MCF2L2: variants seen among roughly 807,000 people sequenced by gnomAD.
MCF2L2 encodes MCF.2 cell line derived transforming sequence-like 2, also known as probable guanine nucleotide exchange factor MCF2L2.
In MCF2L2, 102 loss-of-function variants were observed where a neutral mutation model predicts 150.2. The observed-to-expected ratio is 0.68, with a 90% CI of 0.58 to 0.80. The LOEUF (loss-of-function observed/expected upper bound fraction) is 0.80. Ranked by LOEUF, MCF2L2 falls within the 30% of genes least tolerant of loss-of-function variation. MCF2L2 has a pLI of 0.00. For missense variants in MCF2L2, 1,256 were observed against 1,372.8 expected (o/e 0.91, Z 1.34); for synonymous variants, 465 against 491.3 (o/e 0.95, Z 0.71).
intron 1 of MCF2L2, among the ~76,000 whole-genome samples, chr3:183,414,408 T>G (rs540817727): frequency 6.6e-6 from 1 of 152,326 alleles, no homozygotes; most frequent in East Asian, 1.9e-4. Context: ...TTTGCTTATG[T>G]AAGGATGGTA....
chr3:183,232,207 C>G (rs533523043), intron 15 of MCF2L2, among the ~76,000 whole-genome samples: 16 of 152,242 alleles, frequency 1.1e-4, no homozygotes, highest in Non-Finnish European at 2.9e-5. Context: ...GAGAGTGGCT[C>G]CCAGCTGACA....
At chr3:183,363,921 C>T (rs1163453360) in intron 3 of MCF2L2, among the ~76,000 whole-genome samples, 1 of 152,140 alleles carries the variant, frequency 6.6e-6, no homozygotes, top group African/African-American at 2.4e-5. Flanking sequence ...ACACATGGAA[C>T]ATCCACAGAA....
chr3:183,187,916 C>G (rs924973266), intron 27 of MCF2L2, among the ~76,000 whole-genome samples: 3 of 152,204 alleles, frequency 2.0e-5, no homozygotes, highest in African/African-American at 7.2e-5. Flanking sequence ...AATCCTTTCC[C>G]TTTCTCCTCA....
chr3:183,190,729 T>A (rs147033740), intron 27 of MCF2L2, among the ~76,000 whole-genome samples: 265 of 152,326 alleles, frequency 1.7e-3, no homozygotes, highest in African/African-American at 6.2e-3. Context: ...TGAGGGCAAC[T>A]GCCTGAAGGG....
chr3:183,206,708 C>A (rs972274143), intron 23 of MCF2L2, among the ~76,000 whole-genome samples: 1 of 152,010 alleles, frequency 6.6e-6, no homozygotes, highest in African/African-American at 2.4e-5. Flanking sequence ...CCTGTCTCTA[C>A]TAAAAATACA....
intron 25 of MCF2L2, among the ~76,000 whole-genome samples, chr3:183,201,719 A>G (rs891883041): frequency 6.6e-6 from 1 of 152,130 alleles, no homozygotes; most frequent in Non-Finnish European, 1.5e-5. Flanking sequence ...CAAAGGGAAT[A>G]CTTCCAGTTT....
intron 10 of MCF2L2, among the ~76,000 whole-genome samples, chr3:183,306,836 C>T (rs1729123066): frequency 6.6e-6 from 1 of 152,180 alleles, no homozygotes; most frequent in Non-Finnish European, 1.5e-5. Flanking sequence ...ACACAGCACC[C>T]TTATGGGGAG....
At chr3:183,368,414 C>T (rs778525523) in intron 3 of MCF2L2, among the ~76,000 whole-genome samples, 3 of 152,160 alleles carry the variant, frequency 2.0e-5, no homozygotes, top group Non-Finnish European at 2.9e-5. Flanking sequence ...TCTATGGTTG[C>T]TTTTGAGCTA....
At chr3:183,400,620 C>G (rs1020886949) in intron 1 of MCF2L2, 30 of 357,012 alleles carry the variant, frequency 8.4e-5, no homozygotes, top group Non-Finnish European at 1.4e-4. Context: ...ATTTCGTGGC[C>G]GAGAGTTGAT....
intron 7 of MCF2L2, 86 bp from the exon 8 acceptor site, chr3:183,311,858 T>C (rs1729393447): frequency 8.2e-7 from 1 of 1,223,172 alleles, no homozygotes; most frequent in South Asian, 1.5e-5. Flanking sequence ...AGTAGATCAG[T>C]ACATTTTTCA....
At chr3:183,272,692 T>C (rs1377876726) in intron 15 of MCF2L2, 3 of 1,010,096 alleles carry the variant, frequency 3.0e-6, no homozygotes, top group East Asian at 2.1e-4. Context: ...TAAAAAAACA[T>C]AGAGAACAAA....
At chr3:183,420,785 A>G (rs1010826524) in intron 1 of MCF2L2, among the ~76,000 whole-genome samples, 3 of 152,162 alleles carry the variant, frequency 2.0e-5, no homozygotes, top group Non-Finnish European at 2.9e-5. Context: ...GGAATCTGCC[A>G]CTTTTAAAAC....
chr3:183,206,102 G>A lies in MCF2L2; in HGVS notation c.2805+20C>T. On this transcript the variant is annotated intron_variant, in intron 24 of 29. Transcript: ENST00000328913. ...TAAGGAAAGAGTAGAGGAGACCCATGGGGAAGGCATGAGCGTTACCTGCAG... is the reference window on the plus strand; with the variant it reads ...TAAGGAAAGAGTAGAGGAGACCCATAGGGAAGGCATGAGCGTTACCTGCAG... 8 of 1,609,222 alleles carry A rather than the reference G, an allele frequency of 5.0e-6. No individual in the cohort carries two copies. The highest frequency in any genetic ancestry group is 6.8e-6 in the Non-Finnish European group (8 of 1,175,584).
In MCF2L2 at chr3:183,228,367, C is replaced by G. The variant is rs777460357; in HGVS notation, c.2046-1G>C. The stretch of plus-strand genomic sequence containing the variant: ...CTTTTCCAACTCTTTTAGAAAAGTC[C>G]TAGAAAAATAAAAGTATACAAGTAA... On this transcript the variant is annotated splice_acceptor_variant, in intron 17 of 29. Transcript: ENST00000328913. LOFTEE classifies it high-confidence loss of function. The G allele has an allele frequency of 6.2e-7, 1 of 1,604,728 alleles. No homozygotes were observed. The highest frequency in any genetic ancestry group is 8.5e-7 in the Non-Finnish European group (1 of 1,172,604).
At chr3:183,327,040 A>G (rs950922420) in intron 5 of MCF2L2, among the ~76,000 whole-genome samples, 1 of 152,106 alleles carries the variant, frequency 6.6e-6, no homozygotes, top group African/African-American at 2.4e-5. Context: ...AAAAATAAAT[A>G]AATAGGCCGG....
At position 183,178,868 on chromosome 3, in the gene MCF2L2, G is replaced by C. The variant is rs1017654834; in HGVS notation, c.*512C>G. ...AGCTCCCAGTCTGCGGCCCCCGCCG[G>C]GTTGGAGCGGCTCCGGCTCCTCCAA... On this transcript the variant is annotated 3_prime_UTR_variant, in exon 30 of 30. Coordinates refer to ENST00000328913, the MANE Select transcript of MCF2L2 (RefSeq NM_015078.4). The C allele has an allele frequency of 3.9e-5, 6 of 152,574 alleles. No individual in the cohort carries two copies. Among genetic ancestry groups the C allele is most frequent in the African/African-American group, 1.4e-4 (6 of 41,476 alleles). The allele number at this position is 152,574 out of a possible 1,614,324, so 9.5% of individuals were successfully genotyped here. A position where few individuals can be genotyped will look rare whatever the true frequency, so the allele number is the denominator to read the frequency against.
At chr3:183,294,626 T>C (rs1169541916) in intron 13 of MCF2L2, among the ~76,000 whole-genome samples, 2 of 133,962 alleles carry the variant, frequency 1.5e-5, no homozygotes, top group East Asian at 2.5e-4. Context: ...TATATATATA[T>C]ATATATATTT....
At chr3:183,388,979 A>G (rs1278444391) in intron 2 of MCF2L2, among the ~76,000 whole-genome samples, 1 of 152,182 alleles carries the variant, frequency 6.6e-6, no homozygotes, top group Non-Finnish European at 1.5e-5. Flanking sequence ...AAAGTTGAAA[A>G]GAGTAACTTG....
At chr3:183,422,535 G>A (rs1715935746) in intron 1 of MCF2L2, among the ~76,000 whole-genome samples, 1 of 152,174 alleles carries the variant, frequency 6.6e-6, no homozygotes, top group Non-Finnish European at 1.5e-5. Context: ...GGGGCTGGGT[G>A]GAAAGAAGCA....
Sources: allele counts gnomAD v4.1 joint callset (sites outside exome capture counted in the v4.1 genomes callset), GRCh38; gene constraint gnomAD v4.1.1; transcripts MANE v1.5; gene names NCBI Gene and HGNC (gene_info 2026-07-23, HGNC 2026-07-21).